Variants in DBN1 observed in about 807,000 individuals in gnomAD.
The protein encoded by DBN1 is drebrin.
A neutral mutation model predicts 83.5 loss-of-function variants in DBN1; 21 were observed. The ratio of observed to expected loss-of-function variants is 0.25; its 90% confidence interval spans 0.18 to 0.36. DBN1 has a LOEUF of 0.36. Among genes scored for constraint, DBN1 ranks in the 10% least tolerant of loss-of-function variants. The probability of loss-of-function intolerance (pLI) is 1.00; values close to 1 mark genes in which losing one functional copy is unlikely to be tolerated. For synonymous variants in DBN1, 381 were observed against 384.9 expected, an observed-to-expected ratio of 0.99 and a Z score of 0.12; for missense variants, 874 against 935.7, an observed-to-expected ratio of 0.93 and a Z score of 0.86.
chr5:177,459,265 C>T lies in DBN1; in HGVS notation c.1097G>A (p.Ser366Asn), dbSNP rs1395863493. 2 of 1,605,782 alleles carry T rather than the reference C, an allele frequency of 1.2e-6. No homozygotes were observed. Among genetic ancestry groups the T allele is most frequent in the Non-Finnish European group, 8.5e-7 (1 of 1,178,898 alleles). The stretch of plus-strand genomic sequence containing the variant: ...CATCCTCCGGTGGCTGTCCAGGTGG[C>T]TGCCTGTGGAACAAACCCCAGGTGG... The part of the protein sequence containing the change: ...TPNLSSSLPC[S>N]HLDSHRRMAP... Residue 366 changes from serine to asparagine, a missense_variant, in exon 12 of 15, where the codon AGC becomes AAC. Ser to Asn is a conservative substitution (Grantham distance 46). Around this residue, in one of 4 missense-constraint regions of DBN1, gnomAD observed 725 missense variants for 719.7 expected, o/e 1.01. Coordinates refer to ENST00000393565, the MANE Select transcript of DBN1 (RefSeq NM_001363541.2).
chr5:177,463,604 T>A, intron 8 of DBN1, among the ~76,000 whole-genome samples: 1 of 152,236 alleles, frequency 6.6e-6, no homozygotes, highest in South Asian at 2.1e-4. Context: ...CTCTCGCATA[T>A]TCCCTTCCTT....
chr5:177,468,817 C>A (rs371070), intron 2 of DBN1, 27 bp downstream of exon 2: 1,273,423 of 1,315,362 alleles, frequency 0.97, 618,292 homozygotes, highest in East Asian at 1. Flanking sequence ...GTGGAGAAGG[C>A]GGCGAGGGAA....
rs1049413781 is a variant in DBN1, at chr5:177,457,508, G to T, written c.2018-5C>A. 4 of 1,613,842 alleles carry T rather than the reference G, an allele frequency of 2.5e-6. No individual in the cohort carries two copies. Among genetic ancestry groups the T allele is most frequent in the African/African-American group, 1.3e-5 (1 of 74,934 alleles). On this transcript the variant is annotated splice_region_variant and splice_polypyrimidine_tract_variant and intron_variant, in intron 14 of 14. Transcript: ENST00000393565. Reference sequence around the variant, plus strand: ...CCCAGCATGTGATGTCGATCTCTGTGGCGTTAGAAAGGGAGAGGAGTTAGG... The same window carrying T: ...CCCAGCATGTGATGTCGATCTCTGTTGCGTTAGAAAGGGAGAGGAGTTAGG...
intron 2 of DBN1, chr5:177,468,452 G>T (rs1757622838): frequency 3.5e-6 from 2 of 576,442 alleles, no homozygotes; most frequent in South Asian, 2.3e-5. Flanking sequence ...TAGGACTGAG[G>T]AAGTGTTTGT....
chr5:177,467,874 T>C lies in DBN1; in HGVS notation c.256-57A>G, dbSNP rs979689199. ...AAAGGACAAGGGGGGCCCTACACGA[T>C]AGGGTGCATCTTCCCCGGGGTGGGA... On this transcript the variant is annotated intron_variant, in intron 3 of 14. Transcript: ENST00000393565. The surrounding 1 kb of genome is among the most constrained non-coding windows in gnomAD (Gnocchi z 9.1). The C allele has an allele frequency of 3.8e-6, 6 of 1,574,754 alleles. No individual in the cohort carries two copies. The highest frequency in any genetic ancestry group is 2.3e-5 in the South Asian group (2 of 88,870).
chr5:177,460,484 T>C lies in DBN1; in HGVS notation c.903A>G (p.Ala301=), dbSNP rs1441998582. 3 of 1,613,992 alleles carry C rather than the reference T, an allele frequency of 1.9e-6. No homozygotes were observed. Among genetic ancestry groups the C allele is most frequent in the Non-Finnish European group, 8.5e-7 (1 of 1,179,974 alleles). ...CATCACAGCTGCCCGCAGAGGCCGA[T>C]GCGACTCTTTCCTGCTGCTTGAAGA... The part of the protein sequence containing the change: ...REFFKQQERV[A]SASAGSCDVP... Residue 301 remains alanine, a synonymous_variant, in exon 10 of 15, where the codon GCA becomes GCG. Transcript: ENST00000393565.
intron 8 of DBN1, among the ~76,000 whole-genome samples, chr5:177,464,792 T>C (rs1300744612): frequency 2.0e-5 from 3 of 151,762 alleles, no homozygotes; most frequent in African/African-American, 4.8e-5. Context: ...ATACAAAAAT[T>C]AGCCAGGCGT....
Position 177,473,548 on chromosome 5 carries a change from A to G in DBN1, c.-27T>C. ...CTTCGGGCCGGACCGGGCCGAACGG[A>G]CAGACGCGCGGACGGACGGGCGGAC... On this transcript the variant is annotated 5_prime_UTR_variant, in exon 1 of 15. Transcript: ENST00000393565. 7.7e-7 allele frequency: 1 copy of G among 1,295,124 alleles called. No individual in the cohort carries two copies. Among genetic ancestry groups the G allele is most frequent in the Non-Finnish European group, 9.9e-7 (1 of 1,005,386 alleles). The allele number at this position is 1,295,124 out of a possible 1,614,324, so 80.2% of individuals were successfully genotyped here.
chr5:177,465,613 T>C (rs908800382), intron 8 of DBN1, among the ~76,000 whole-genome samples: 1 of 152,156 alleles, frequency 6.6e-6, no homozygotes, highest in African/African-American at 2.4e-5. Flanking sequence ...CCCAGCACTT[T>C]GGGAGGCCGA....
chr5:177,472,922 C>T (rs1210570067), intron 1 of DBN1: 1 of 785,166 alleles, frequency 1.3e-6, no homozygotes, highest in Non-Finnish European at 1.5e-6. Flanking sequence ...GGGCGCCCGG[C>T]CCCCAGCCCG....
rs1360027755 is a variant in DBN1 at position 177,460,683 on chromosome 5, C to A, written c.792G>T (p.Glu264Asp). The change falls in exon 9 of 15, where the codon GAG (glutamate) becomes GAT (aspartate). Residue 264 changes from glutamate (E) to aspartate (D), a missense_variant. Physicochemically the swap from Glu to Asp is conservative, Grantham distance 45 (BLOSUM62 2). Around this residue, in one of 4 missense-constraint regions of DBN1, gnomAD observed 725 missense variants for 719.7 expected, o/e 1.01. Coordinates refer to ENST00000393565, the MANE Select transcript of DBN1 (RefSeq NM_001363541.2). ...CTGACTTCTTCATGTGGGTCTCTTC[C>A]TCCTCATCCCGATGGTCACCCTAGA... ...QSIFGDHRDEEEETHMKKSES... is the reference protein window; with the variant it reads ...QSIFGDHRDEDEETHMKKSES... The A allele has an allele frequency of 6.2e-7, 1 of 1,614,074 alleles. No individual in the cohort carries two copies. Among genetic ancestry groups the A allele is most frequent in the Admixed American group, 1.7e-5 (1 of 60,010 alleles).
chr5:177,462,383 G>A (rs370018528), intron 8 of DBN1: 85 of 985,408 alleles, frequency 8.6e-5, no homozygotes, highest in Non-Finnish European at 9.5e-5. Context: ...GTTTCCAGCT[G>A]CAGCGTGGCC....
intron 8 of DBN1, chr5:177,462,173 T>A: frequency 4.4e-6 from 4 of 905,622 alleles, no homozygotes; most frequent in African/African-American, 2.0e-5. Context: ...CTGCCTGACC[T>A]AGCCGTCACC....
chr5:177,459,290 G>T (rs757252967), intron 11 of DBN1, 22 bp from the exon 12 acceptor site: 4 of 1,599,446 alleles, frequency 2.5e-6, no homozygotes, highest in Non-Finnish European at 3.4e-6. Context: ...ACCCCAGGTG[G>T]GTCAGTGAGG....
At chr5:177,469,328 GGGA>G (rs1350194985) in intron 1 of DBN1, among the ~76,000 whole-genome samples, 11 of 152,216 alleles carry the variant, frequency 7.2e-5, no homozygotes, top group East Asian at 3.9e-4. Context: ...CCCCCGGGGA[GGGA>G]GGAGGAGAAG....
rs149833219 is a variant in DBN1 at position 177,467,559 on chromosome 5, G to A, written c.399C>T (p.Leu133=). 904 of 1,565,240 alleles carry A rather than the reference G, an allele frequency of 5.8e-4. 1 individual carries two copies. The African/African-American group carries it at 0.011, about 19-fold the overall frequency. ...DIDAGAIGQR[L]SNGLARLSSP... is the part of the protein sequence containing the mutation. ...TGGAGAGTCGCGCCAGCCCGTTAGA[G>A]AGCCGCTGCCCGATGGCACCCGCGT... is the stretch of plus-strand genomic sequence containing the variant. The change falls in exon 5 of 15, where the codon CTC becomes CTT. Residue 133 remains leucine, a synonymous_variant. Coordinates refer to ENST00000393565, the MANE Select transcript of DBN1 (RefSeq NM_001363541.2). The surrounding 1 kb of genome is among the most constrained non-coding windows in gnomAD (Gnocchi z 9.1).
intron 10 of DBN1, 32 bp downstream of exon 10, chr5:177,460,400 G>A (rs1303669117): frequency 1.2e-6 from 2 of 1,612,348 alleles, no homozygotes; most frequent in African/African-American, 2.7e-5. Context: ...CCTGAGGAGT[G>A]GGGCCGGACG....
Position 177,456,992 on chromosome 5 carries a change from C to T in DBN1, c.*441G>A, listed in dbSNP as rs1305650026. On this transcript the variant is annotated 3_prime_UTR_variant, in exon 15 of 15. Transcript: ENST00000393565. ...TAAAATTCGTGCAAAATATCTGAAG[C>T]CCTGGACAGAGAATACAAAGTGATA... The T allele has an allele frequency of 5.8e-6, 1 of 172,318 alleles. No homozygotes were observed. The highest frequency in any genetic ancestry group is 1.3e-5 in the Non-Finnish European group (1 of 79,888). 10.7% of individuals were successfully genotyped at this position (172,318 alleles called of 1,614,324 possible).
chr5:177,464,458 AT>A (rs201142375), intron 8 of DBN1, among the ~76,000 whole-genome samples: 18 of 150,132 alleles, frequency 1.2e-4, no homozygotes, highest in South Asian at 2.1e-4. Context: ...AAAAATAAAA[AT>A]AAATAAATAA....
Sources: gnomAD v4.1 joint callset for allele counts (sites outside exome capture counted in the v4.1 genomes callset) on GRCh38, gnomAD v4.1.1 for gene constraint, gnomAD v4.1.1 regional missense constraint, Gnocchi (gnomAD v3.1) non-coding constraint, MANE v1.5 for transcripts, NCBI Gene and HGNC (gene_info 2026-07-23, HGNC 2026-07-21) for gene names.